PIMREG: variants seen among roughly 807,000 people sequenced by gnomAD.
The protein encoded by PIMREG is protein PIMREG.
Under a neutral mutation model 24.3 loss-of-function variants are expected in PIMREG, and 19 were observed. That is an observed-to-expected ratio of 0.78 (90% CI 0.54 to 1.15). PIMREG has a LOEUF of 1.15. Among genes scored for constraint, PIMREG ranks in the 50% most tolerant of loss-of-function variants. The pLI is 0.00. For missense variants in PIMREG, 283 were observed against 306.8 expected, an observed-to-expected ratio of 0.92 and a Z score of 0.58; for synonymous variants, 112 against 124.1, an observed-to-expected ratio of 0.90 and a Z score of 0.65.
Position 6,450,501 on chromosome 17 carries a change from C to T in PIMREG, c.*154C>T, listed in dbSNP as rs1330684474. 4.3e-6 allele frequency: 5 copies of T among 1,170,194 alleles called. No individual in the cohort carries two copies. In the Admixed American group the frequency reaches 6.6e-5, roughly 16 times the overall value. The allele number at this position is 1,170,194 out of a possible 1,614,324, so 72.5% of individuals were successfully genotyped here. A position where few individuals can be genotyped will look rare whatever the true frequency, so the allele number is the denominator to read the frequency against. ...AAGCACCTAACAAGGGGCCCAGAGC[C>T]CCCTGCTCCAGCCACATCTGGACCC... On this transcript the variant is annotated 3_prime_UTR_variant, in exon 6 of 6. Transcript: ENST00000572447.
intron 3 of PIMREG, among the ~76,000 whole-genome samples, chr17:6,448,785 C>A (rs918051991): frequency 3.9e-5 from 6 of 152,138 alleles, no homozygotes; most frequent in African/African-American, 9.7e-5. Context: ...GCTGCCTAGC[C>A]GCTGCACCTG....
At position 6,450,675 on chromosome 17, in the gene PIMREG, A is replaced by C; in HGVS notation, c.*328A>C. 1.8e-5 allele frequency: 8 copies of C among 447,102 alleles called. No homozygotes were observed. The highest frequency in any genetic ancestry group is 3.4e-5 in the East Asian group (1 of 29,704). 27.7% of individuals were successfully genotyped at this position (447,102 alleles called of 1,614,324 possible). On this transcript the variant is annotated 3_prime_UTR_variant, in exon 6 of 6. Transcript: ENST00000572447. Reference sequence around the variant, plus strand: ...GCCTTCTATTTGCCTCATCTATAACATGAAGTGCTAGCATCAGATATTTGA... The same window carrying C: ...GCCTTCTATTTGCCTCATCTATAACCTGAAGTGCTAGCATCAGATATTTGA...
At position 6,445,284 on chromosome 17, in the gene PIMREG, C is replaced by T. The variant is rs773022582; in HGVS notation, c.174C>T (p.Ala58=). 4.0e-5 allele frequency: 64 copies of T among 1,613,840 alleles called. No individual in the cohort carries two copies. Among genetic ancestry groups the T allele is most frequent in the African/African-American group, 1.1e-4 (8 of 74,868 alleles). The change falls in exon 2 of 6, where the codon GCC becomes GCT. Residue 58 remains alanine, a synonymous_variant. Coordinates refer to ENST00000572447, the MANE Select transcript of PIMREG (RefSeq NM_019013.3). ...TCCAAAGGAGGCTGCCCCTGAGAGC[C>T]GTCAACCTCAACCTCCGCGCAGGGC... ...RQFQRRLPLR[A]VNLNLRAGPS...
Position 6,447,733 on chromosome 17 carries a change from T to G in PIMREG, c.565T>G (p.Ser189Ala). 1 of 1,609,840 alleles carries G rather than the reference T, an allele frequency of 6.2e-7. No individual in the cohort carries two copies. The highest frequency in any genetic ancestry group is 8.5e-7 in the Non-Finnish European group (1 of 1,176,914). Reference protein sequence around the residue: ...REAAFRSPYSSTEPLCSPSES... With the variant: ...REAAFRSPYSATEPLCSPSES... ...GGCTGCCTTCCGGAGCCCCTACTCC[T>G]CAACAGAGCCCCTCTGCTCTCCCAG... The change falls in exon 3 of 6, where the codon TCA becomes GCA. Residue 189 changes from serine (S) to alanine (A), a missense_variant. Physicochemically the swap from Ser to Ala is moderately conservative, Grantham distance 99. Coordinates refer to ENST00000572447, the MANE Select transcript of PIMREG (RefSeq NM_019013.3).
intron 4 of PIMREG, 68 bp from the exon 5 acceptor site, chr17:6,449,960 C>T: frequency 6.5e-7 from 1 of 1,540,718 alleles, no homozygotes; most frequent in Non-Finnish European, 9.0e-7. Context: ...TCTTGTGTAG[C>T]TCAGGCTGGG....
rs1913743954 is a variant in PIMREG at position 6,449,817 on chromosome 17, C to T, written c.687-211C>T. 4.9e-6 allele frequency: 7 copies of T among 1,422,940 alleles called. No individual in the cohort carries two copies. In the Admixed American group the frequency reaches 1.7e-4, roughly 35 times the overall value. The allele number at this position is 1,422,940 out of a possible 1,614,324, so 88.1% of individuals were successfully genotyped here. A position where few individuals can be genotyped will look rare whatever the true frequency, so the allele number is the denominator to read the frequency against. ...TGGCCCCATCCTGGGGGCAGGGCCTCGGTTGTGGACCTCCCCTAACTTGGG... is the reference window on the plus strand; with the variant it reads ...TGGCCCCATCCTGGGGGCAGGGCCTTGGTTGTGGACCTCCCCTAACTTGGG... On this transcript the variant is annotated intron_variant, in intron 4 of 5. Coordinates refer to ENST00000572447, the MANE Select transcript of PIMREG (RefSeq NM_019013.3).
chr17:6,449,251 G>T (rs1913707453), intron 3 of PIMREG, 61 bp from the exon 4 acceptor site: 10 of 1,458,438 alleles, frequency 6.9e-6, no homozygotes, highest in Non-Finnish European at 9.4e-6. Context: ...GTACCGGGTT[G>T]CAAGGGTCTC....
At chr17:6,449,448 G>A in intron 4 of PIMREG, 41 bp downstream of exon 4, 1 of 1,548,670 alleles carries the variant, frequency 6.5e-7, no homozygotes, top group East Asian at 2.3e-5. Flanking sequence ...GGGGCCGGGA[G>A]GGCCCCTCCA....
At chr17:6,449,585 G>A (rs963509278) in intron 4 of PIMREG, 178 bp downstream of exon 4, 3 of 1,068,386 alleles carry the variant, frequency 2.8e-6, no homozygotes, top group South Asian at 3.6e-5. Context: ...CTGGACTGGG[G>A]TGATGGTAAA....
chr17:6,447,559 T>A lies in PIMREG; in HGVS notation c.391T>A (p.Ser131Thr). ...RKRGAQKGSG[S>T]PTHSLSQKST... is the part of the protein sequence containing the mutation. ...GAGAGGAGCACAGAAGGGCAGTGGA[T>A]CCCCAACTCACAGCCTGAGCCAGAA... The change falls in exon 3 of 6, where the codon TCC becomes ACC. Residue 131 changes from serine to threonine, a missense_variant. Ser to Thr is a moderately conservative substitution (Grantham distance 58, BLOSUM62 1). Coordinates refer to ENST00000572447, the MANE Select transcript of PIMREG (RefSeq NM_019013.3). The A allele has an allele frequency of 6.2e-7, 1 of 1,614,068 alleles. No individual in the cohort carries two copies. Among genetic ancestry groups the A allele is most frequent in the Non-Finnish European group, 8.5e-7 (1 of 1,180,018 alleles).
At chr17:6,447,411 C>T (rs1486694053) in intron 2 of PIMREG, 52 bp from the exon 3 acceptor site, 30 of 1,576,542 alleles carry the variant, frequency 1.9e-5, no homozygotes, top group Admixed American at 8.7e-5. Context: ...CCACCGCGCC[C>T]GGCCTAACTT....
At position 6,445,306 on chromosome 17, in the gene PIMREG, G is replaced by A. The variant is rs754180364; in HGVS notation, c.196G>A (p.Gly66Arg). 6 of 1,614,072 alleles carry A rather than the reference G, an allele frequency of 3.7e-6. No homozygotes were observed. In the South Asian group the frequency reaches 6.6e-5, roughly 18 times the overall value. ...LRAVNLNLRA[G>R]PSWKRLETPE... ...AGCCGTCAACCTCAACCTCCGCGCA[G>A]GGCCCTCCTGGAAACGCCTGGAAAC... is the stretch of plus-strand genomic sequence containing the variant. Residue 66 changes from glycine (G) to arginine (R), a missense_variant, in exon 2 of 6, where the codon GGG becomes AGG. Coordinates refer to ENST00000572447, the MANE Select transcript of PIMREG (RefSeq NM_019013.3).
chr17:6,445,366 G>A lies in PIMREG; in HGVS notation c.256G>A (p.Ala86Thr). 6.2e-7 allele frequency: 1 copy of A among 1,613,992 alleles called. No individual in the cohort carries two copies. The highest frequency in any genetic ancestry group is 1.1e-5 in the South Asian group (1 of 91,064). ...EPGQQGLQAA[A>T]RSAKSALGAV... ...AGGTCAGCAGGGCCTCCAGGCTGCA[G>A]CTCGCTCAGCTAAGAGTGCTTTGGG... Residue 86 changes from alanine to threonine, a missense_variant, in exon 2 of 6, where the codon GCT (alanine) becomes ACT (threonine). Coordinates refer to ENST00000572447, the MANE Select transcript of PIMREG (RefSeq NM_019013.3).
chr17:6,449,287 T>C, intron 3 of PIMREG, 25 bp from the exon 4 acceptor site: 1 of 1,595,656 alleles, frequency 6.3e-7, no homozygotes. Context: ...AACTAGTCAC[T>C]GGTGTGGCTT....
chr17:6,449,928 C>G, intron 4 of PIMREG, 100 bp from the exon 5 acceptor site: 1 of 1,462,038 alleles, frequency 6.8e-7, no homozygotes, highest in Non-Finnish European at 9.6e-7. Context: ...GGGCCATATT[C>G]CTACCACATT....
Position 6,444,730 on chromosome 17 carries a change from G to A in PIMREG, c.-36+242G>A, listed in dbSNP as rs922012864. On this transcript the variant is annotated intron_variant, in intron 1 of 5. Transcript: ENST00000572447. This position sits in a 1 kb window ranked among gnomAD's most constrained non-coding sequence, Gnocchi z 4.3. Reference sequence around the variant, plus strand: ...CTGGGCGGGTGCGCGTTTGGTCTGGGCGAGCTGGTGAAGAAGATGGTGATC... The same window carrying A: ...CTGGGCGGGTGCGCGTTTGGTCTGGACGAGCTGGTGAAGAAGATGGTGATC... 5.9e-5 allele frequency among the ~76,000 whole-genome samples: 9 copies of A among 152,250 alleles called. No individual in the cohort carries two copies. Among genetic ancestry groups the A allele is most frequent in the Admixed American group, 2.6e-4 (4 of 15,302 alleles).
chr17:6,447,266 C>T (rs901375343), intron 2 of PIMREG, 197 bp from the exon 3 acceptor site: 16 of 562,740 alleles, frequency 2.8e-5, no homozygotes, highest in African/African-American at 7.6e-5. Context: ...CACCCGCCAC[C>T]GCGCCTGGCT....
intron 2 of PIMREG, chr17:6,445,967 C>T (rs775963669): frequency 1.1e-4 from 45 of 398,416 alleles, no homozygotes; most frequent in Non-Finnish European, 1.9e-4. Context: ...GATCAGGAGT[C>T]CGGAAGATTC....
chr17:6,448,524 G>C (rs1012931996), intron 3 of PIMREG, among the ~76,000 whole-genome samples: 7 of 152,158 alleles, frequency 4.6e-5, no homozygotes, highest in Non-Finnish European at 8.8e-5. Flanking sequence ...CCATTTGACA[G>C]GTAAGGAAAC....
Sources: allele counts gnomAD v4.1 joint callset (sites outside exome capture counted in the v4.1 genomes callset), GRCh38; gene constraint gnomAD v4.1.1; non-coding constraint Gnocchi (gnomAD v3.1); transcripts MANE v1.5; gene names NCBI Gene and HGNC (gene_info 2026-07-23, HGNC 2026-07-21).